Variants in FAM13C observed in about 807,000 individuals in gnomAD.
FAM13C encodes the protein family with sequence similarity 13 member C, also known as protein FAM13C.
A neutral mutation model predicts 73.2 loss-of-function variants in FAM13C; 37 were observed. The observed-to-expected ratio is 0.51, with a 90% CI of 0.39 to 0.67. FAM13C has a LOEUF of 0.67. FAM13C is among the 30% of genes least tolerant of loss of function. FAM13C has a pLI of 0.00. For synonymous variants in FAM13C, 246 were observed against 260.9 expected, an observed-to-expected ratio of 0.94 and a Z score of 0.55; for missense variants, 589 against 715.6, an observed-to-expected ratio of 0.82 and a Z score of 2.02.
intron 13 of FAM13C, among the ~76,000 whole-genome samples, chr10:59,250,558 A>G (rs745948732): frequency 1.1e-4 from 16 of 152,166 alleles, no homozygotes; most frequent in Non-Finnish European, 1.8e-4. Flanking sequence ...CCTGCCAGGG[A>G]CTAAGAGGTA....
chr10:59,318,422 G>A (rs967049485), intron 4 of FAM13C, among the ~76,000 whole-genome samples: 7 of 151,986 alleles, frequency 4.6e-5, no homozygotes, highest in South Asian at 4.2e-4. Context: ...TCAGGAGCTC[G>A]TATTCTTTAG....
chr10:59,357,770 C>T (rs1855902016), intron 1 of FAM13C, among the ~76,000 whole-genome samples: 1 of 152,298 alleles, frequency 6.6e-6, no homozygotes, highest in East Asian at 1.9e-4. Flanking sequence ...TTTTATGTAG[C>T]ACTGCTTCTA....
chr10:59,313,565 G>A (rs745987304), intron 4 of FAM13C, among the ~76,000 whole-genome samples: 95 of 152,276 alleles, frequency 6.2e-4, no homozygotes, highest in Admixed American at 1.3e-3. Context: ...TCCAAGTTGA[G>A]CAAGCGAGTC....
rs116266123 is a variant in FAM13C at position 59,279,866 on chromosome 10, T to C, written c.592+3497A>G. On this transcript the variant is annotated intron_variant, in intron 6 of 13. Transcript: ENST00000618804. ...GTGGCTTATTAACAACAGAAATTTA[T>C]CTCTCACAGTTCTGGAGGCTAGAAG... is the stretch of plus-strand genomic sequence containing the variant. Among the ~76,000 whole-genome samples the C allele has an allele frequency of 7.3e-3, 1,108 of 152,272 alleles. 9 individuals carry two copies. The highest frequency in any genetic ancestry group is 0.025 in the African/African-American group (1,024 of 41,552).
At chr10:59,298,728 T>A (rs909403826) in intron 5 of FAM13C, among the ~76,000 whole-genome samples, 2 of 152,226 alleles carry the variant, frequency 1.3e-5, no homozygotes, top group Non-Finnish European at 2.9e-5. Flanking sequence ...AGGCTTCAGA[T>A]GGTGGGTTGG....
intron 4 of FAM13C, among the ~76,000 whole-genome samples, chr10:59,320,723 C>T (rs539964123): frequency 9.8e-5 from 15 of 152,322 alleles, no homozygotes; most frequent in South Asian, 2.1e-4. Context: ...CGTTACAGCT[C>T]GGCGTTTGCC....
At chr10:59,357,205 C>G (rs536322631) in intron 1 of FAM13C, among the ~76,000 whole-genome samples, 4 of 152,278 alleles carry the variant, frequency 2.6e-5, no homozygotes, top group African/African-American at 9.6e-5. Flanking sequence ...ATACATATAT[C>G]CTATTAATTC....
Position 59,247,427 on chromosome 10 carries a change from T to A in FAM13C, c.*187A>T, listed in dbSNP as rs958819681. The A allele has an allele frequency of 1.7e-4, 113 of 649,116 alleles. No individual in the cohort carries two copies. Among genetic ancestry groups the A allele is most frequent in the Non-Finnish European group, 2.6e-4 (102 of 390,610 alleles). The allele number at this position is 649,116 out of a possible 1,614,324, so 40.2% of individuals were successfully genotyped here. A position where few individuals can be genotyped will look rare whatever the true frequency, so the allele number is the denominator to read the frequency against. Reference sequence around the variant, plus strand: ...CCAATTATATGGCTACCTGTTGTATTCTTCCCCCCGTTTAAATCCCTTCTC... The same window carrying A: ...CCAATTATATGGCTACCTGTTGTATACTTCCCCCCGTTTAAATCCCTTCTC... On this transcript the variant is annotated 3_prime_UTR_variant, in exon 14 of 14. Transcript: ENST00000618804.
chr10:59,319,345 T>A (rs953443523), intron 4 of FAM13C, among the ~76,000 whole-genome samples: 8 of 152,228 alleles, frequency 5.3e-5, no homozygotes, highest in Admixed American at 5.2e-4. Context: ...GAACTTACAA[T>A]GTAACCACCA....
chr10:59,281,473 T>C (rs1234621004), intron 6 of FAM13C, among the ~76,000 whole-genome samples: 1 of 152,240 alleles, frequency 6.6e-6, no homozygotes, highest in East Asian at 1.9e-4. Context: ...GTTTTCTAGA[T>C]GTCTCTACAA....
At chr10:59,345,320 A>T (rs1330085650) in intron 3 of FAM13C, among the ~76,000 whole-genome samples, 1 of 152,166 alleles carries the variant, frequency 6.6e-6, no homozygotes, top group African/African-American at 2.4e-5. Flanking sequence ...CCAAATTATC[A>T]AATTCTCCAT....
chr10:59,252,632 A>G (rs1418777610), intron 12 of FAM13C, among the ~76,000 whole-genome samples, 167 bp downstream of exon 12: 1 of 152,156 alleles, frequency 6.6e-6, no homozygotes, highest in African/African-American at 2.4e-5. Flanking sequence ...GTGGATTTCT[A>G]GTGGAAAAAC....
chr10:59,254,466 T>C, intron 10 of FAM13C, 23 bp from the exon 11 acceptor site: 1 of 1,362,450 alleles, frequency 7.3e-7, no homozygotes. Context: ...AAATTAATTA[T>C]TATTCCTCTC....
chr10:59,313,611 G>A (rs929663205), intron 4 of FAM13C, among the ~76,000 whole-genome samples: 1 of 152,170 alleles, frequency 6.6e-6, no homozygotes, highest in Admixed American at 6.5e-5. Flanking sequence ...ATTCAGTTGA[G>A]ATTGAGTTGG....
Position 59,246,785 on chromosome 10 carries a change from T to C in FAM13C, c.*829A>G. On this transcript the variant is annotated 3_prime_UTR_variant, in exon 14 of 14. Transcript: ENST00000618804. ...AAAATGTATATTCCCAATGAAAAAA[T>C]AGTTATATCATCTTATAGTAAACCA... 1 of 394,084 alleles carries C rather than the reference T, an allele frequency of 2.5e-6. No homozygotes were observed. The highest frequency in any genetic ancestry group is 4.4e-5 in the Admixed American group (1 of 22,656). The allele number at this position is 394,084 out of a possible 1,614,324, so 24.4% of individuals were successfully genotyped here. A position where few individuals can be genotyped will look rare whatever the true frequency, so the allele number is the denominator to read the frequency against.
chr10:59,319,773 T>G (rs1849977366), intron 4 of FAM13C, among the ~76,000 whole-genome samples: 1 of 152,208 alleles, frequency 6.6e-6, no homozygotes, highest in Non-Finnish European at 1.5e-5. Context: ...CTAAAGTTTC[T>G]TCCAGCTCTA....
Position 59,362,487 on chromosome 10 carries a change from T to C in FAM13C, c.-27A>G, listed in dbSNP as rs1449002943. 1.2e-6 allele frequency: 2 copies of C among 1,610,102 alleles called. No individual in the cohort carries two copies. Among genetic ancestry groups the C allele is most frequent in the South Asian group, 2.2e-5 (2 of 90,112 alleles). ...AGCCAAGTCTGGCCGGGGAGCCGTC[T>C]CCCTGATTGCTCTCCGGGAGTTAGA... On this transcript the variant is annotated 5_prime_UTR_variant, in exon 1 of 14. Coordinates refer to ENST00000618804, the MANE Select transcript of FAM13C (RefSeq NM_198215.4).
chr10:59,338,915 G>C (rs994579162), intron 3 of FAM13C, among the ~76,000 whole-genome samples: 2 of 152,134 alleles, frequency 1.3e-5, no homozygotes, highest in Admixed American at 1.3e-4. Flanking sequence ...TAATTTGTTG[G>C]CTTAAAAACA....
chr10:59,304,813 GGA>G (rs1848035720), intron 4 of FAM13C, among the ~76,000 whole-genome samples: 2 of 94,130 alleles, frequency 2.1e-5, no homozygotes, highest in African/African-American at 7.3e-5. Context: ...GGGAAGGGAA[GGA>G]AAGGGGAAGG....
Sources: gnomAD v4.1 joint callset for allele counts (sites outside exome capture counted in the v4.1 genomes callset) on GRCh38, gnomAD v4.1.1 for gene constraint, MANE v1.5 for transcripts, NCBI Gene and HGNC (gene_info 2026-07-23, HGNC 2026-07-21) for gene names.